Variants in MYO16 observed in about 807,000 individuals in gnomAD.
MYO16 encodes unconventional myosin-XVI.
A neutral mutation model predicts 205.3 loss-of-function variants in MYO16; 94 were observed. The ratio of observed to expected loss-of-function variants is 0.46; its 90% CI spans 0.39 to 0.54. MYO16 has a LOEUF of 0.54. Ranked by LOEUF, MYO16 falls within the 20% of genes least tolerant of loss-of-function variation. MYO16 has a pLI of 0.00. For synonymous variants in MYO16, 988 were observed against 954.0 expected (o/e 1.04, Z -0.66); for missense variants, 2,315 against 2,387.5 (o/e 0.97, Z 0.63).
intron 16 of MYO16, among the ~76,000 whole-genome samples, chr13:108,945,437 A>G (rs534254203): frequency 1.3e-5 from 2 of 152,308 alleles, no homozygotes; most frequent in South Asian, 4.1e-4. Context: ...TATGTAGCAT[A>G]TAAGTAATCA....
intron 10 of MYO16, among the ~76,000 whole-genome samples, chr13:108,849,622 TGTGTGTGTGTG>T (rs1877730094): frequency 7.2e-5 from 1 of 13,920 alleles, no homozygotes; most frequent in Non-Finnish European, 2.1e-4. Flanking sequence ...TCCTCTTTTG[TGTGTGTGTGTG>T]TGTGTGTGTG....
Position 108,855,430 on chromosome 13 carries a change from G to A in MYO16, c.1249-13G>A. 4 of 1,512,836 alleles carry A rather than the reference G, an allele frequency of 2.6e-6. No homozygotes were observed. Among genetic ancestry groups the A allele is most frequent in the Non-Finnish European group, 3.6e-6 (4 of 1,105,752 alleles). The allele number at this position is 1,512,836 out of a possible 1,614,324, so 93.7% of individuals were successfully genotyped here. On this transcript the variant is annotated splice_polypyrimidine_tract_variant and intron_variant, in intron 10 of 34. Coordinates refer to ENST00000457511, the MANE Select transcript of MYO16 (RefSeq NM_001198950.3). Reference sequence around the variant, plus strand: ...AGCAATTAGAATTGATCATACTTTCGGTTCTTCCCCAGGTCAAGCTAATGC... The same window carrying A: ...AGCAATTAGAATTGATCATACTTTCAGTTCTTCCCCAGGTCAAGCTAATGC...
chr13:108,586,872 A>C, the MYO16 span, among the ~76,000 whole-genome samples: 5 of 152,216 alleles, frequency 3.3e-5, no homozygotes, highest in East Asian at 9.6e-4. Flanking sequence ...ATTGTTCCAC[A>C]ATATTCTGAA....
chr13:108,858,772 CA>C (rs1878316009), intron 11 of MYO16, among the ~76,000 whole-genome samples: 1 of 152,090 alleles, frequency 6.6e-6, no homozygotes, highest in Admixed American at 6.6e-5. Flanking sequence ...AAAAGATGCC[CA>C]ATTCACTCAG....
intron 27 of MYO16, among the ~76,000 whole-genome samples, chr13:109,079,056 C>T (rs915628480): frequency 9.9e-6 from 1 of 101,190 alleles, no homozygotes; most frequent in Non-Finnish European, 2.3e-5. Flanking sequence ...TGCCCCGAAA[C>T]TCTTAACTGG....
chr13:109,037,876 C>G (rs1171244705), intron 23 of MYO16, among the ~76,000 whole-genome samples: 1 of 152,158 alleles, frequency 6.6e-6, no homozygotes, highest in Non-Finnish European at 1.5e-5. Context: ...AGCTTGATGC[C>G]TCTCAGAGAC....
chr13:109,012,305 A>C (rs564962691), intron 22 of MYO16, among the ~76,000 whole-genome samples: 2 of 152,248 alleles, frequency 1.3e-5, no homozygotes, highest in African/African-American at 4.8e-5. Flanking sequence ...GCAGCAGGTG[A>C]GGGAGCAAAG....
At chr13:108,946,801 G>T (rs1358986185) in intron 16 of MYO16, among the ~76,000 whole-genome samples, 1 of 151,938 alleles carries the variant, frequency 6.6e-6, no homozygotes, top group Non-Finnish European at 1.5e-5. Context: ...GAGTGCAGTG[G>T]CAGGATCACA....
intron 24 of MYO16, among the ~76,000 whole-genome samples, chr13:109,049,790 A>C (rs192870963): frequency 1.2e-4 from 19 of 152,274 alleles, no homozygotes; most frequent in African/African-American, 4.1e-4. Flanking sequence ...TTAAACTTAA[A>C]GTGACGAAAT....
the MYO16 span, among the ~76,000 whole-genome samples, chr13:108,500,454 T>A: frequency 6.6e-6 from 1 of 151,588 alleles, no homozygotes; most frequent in African/African-American, 2.4e-5. Context: ...GGTCTTGAAC[T>A]CCTGACATCG....
At chr13:108,961,433 A>T in intron 17 of MYO16, 106 bp from the exon 18 acceptor site, 2 of 875,038 alleles carry the variant, frequency 2.3e-6, no homozygotes, top group Non-Finnish European at 3.7e-6. Context: ...CAACCTCATT[A>T]ATAGGGTCAT....
intron 27 of MYO16, among the ~76,000 whole-genome samples, chr13:109,093,057 T>C (rs563221808): frequency 1.3e-5 from 2 of 152,314 alleles, no homozygotes; most frequent in East Asian, 1.9e-4. Context: ...TACGTGAATG[T>C]ATGGAAGCGT....
intron 27 of MYO16, among the ~76,000 whole-genome samples, chr13:109,062,387 A>T (rs371109922): frequency 5.6e-4 from 86 of 152,308 alleles, no homozygotes; most frequent in South Asian, 1.7e-3. Context: ...ATTTCTGCAT[A>T]ACAGAGACCA....
At chr13:108,900,582 A>G (rs923232949) in intron 15 of MYO16, among the ~76,000 whole-genome samples, 3 of 152,232 alleles carry the variant, frequency 2.0e-5, no homozygotes, top group Non-Finnish European at 4.4e-5. Context: ...TGAAGATTTC[A>G]TGGACACTTA....
intron 28 of MYO16, among the ~76,000 whole-genome samples, chr13:109,112,607 T>C (rs1028932567): frequency 2.0e-5 from 3 of 151,842 alleles, no homozygotes; most frequent in Non-Finnish European, 4.4e-5. Flanking sequence ...AATACAAAAT[T>C]AGCCAGGCAC....
chr13:109,138,536 T>C (rs994070085), intron 31 of MYO16, among the ~76,000 whole-genome samples: 10 of 152,170 alleles, frequency 6.6e-5, no homozygotes, highest in African/African-American at 2.4e-4. Flanking sequence ...TTGTTCCATC[T>C]CTTTTGAAAT....
chr13:108,675,686 A>G (rs1882172972), intron 2 of MYO16, among the ~76,000 whole-genome samples: 1 of 152,194 alleles, frequency 6.6e-6, no homozygotes, highest in South Asian at 2.1e-4. Context: ...TCAACATTTT[A>G]TGAGTTTGGT....
intron 7 of MYO16, among the ~76,000 whole-genome samples, chr13:108,816,684 C>T (rs184601335): frequency 9.7e-4 from 148 of 152,332 alleles, no homozygotes; most frequent in Middle Eastern, 3.4e-3. Context: ...TAATTCCCGC[C>T]TCAAGGTGCA....
At chr13:109,124,030 ACT>A (rs1462641921) in intron 29 of MYO16, among the ~76,000 whole-genome samples, 1 of 152,106 alleles carries the variant, frequency 6.6e-6, no homozygotes, top group African/African-American at 2.4e-5. Context: ...GTTTGAAAAG[ACT>A]CTAATCAGAA....
Sources: allele counts gnomAD v4.1 joint callset (sites outside exome capture counted in the v4.1 genomes callset), GRCh38; gene constraint gnomAD v4.1.1; transcripts MANE v1.5; gene names NCBI Gene and HGNC (gene_info 2026-07-23, HGNC 2026-07-21).